The following PRDM16 variants were observed in gnomAD, a reference collection of about 807,000 sequenced individuals.
The protein encoded by PRDM16 is histone-lysine N-methyltransferase PRDM16.
A neutral mutation model predicts 110.6 loss-of-function variants in PRDM16; 23 were observed. The observed-to-expected ratio is 0.21, with a 90% CI of 0.15 to 0.29. The LOEUF (loss-of-function observed/expected upper bound fraction) is 0.29, where lower values mean the gene tolerates loss of function less well. Ranked by LOEUF, PRDM16 falls within the 10% of genes least tolerant of loss-of-function variation. The pLI, the probability that PRDM16 is intolerant of heterozygous loss-of-function variation, is 1.00. For missense variants in PRDM16, 1,615 were observed against 1,794.3 expected, an observed-to-expected ratio of 0.90 and a Z score of 1.81; for synonymous variants, 799 against 781.8, an observed-to-expected ratio of 1.02 and a Z score of -0.37.
chr1:3,401,069 G>A (rs1476521523), intron 5 of PRDM16, among the ~76,000 whole-genome samples: 2 of 152,182 alleles, frequency 1.3e-5, no homozygotes, highest in South Asian at 4.1e-4. Flanking sequence ...GGCTCAGGGA[G>A]CCAGGCTCTG....
intron 2 of PRDM16, among the ~76,000 whole-genome samples, chr1:3,240,046 AGGAGAGGAGAAGAGGAGAGGAGAGG>A (rs1639627687): frequency 1.0e-5 from 1 of 98,592 alleles, no homozygotes; most frequent in African/African-American, 5.0e-5. Context: ...AGAAGAGGAG[AGGAGAGGAGAAGAGGAGAGGAGAGG>A]AGAGGAGAGG....
At chr1:3,174,593 G>A (rs1427732276) in intron 1 of PRDM16, among the ~76,000 whole-genome samples, 3 of 152,152 alleles carry the variant, frequency 2.0e-5, no homozygotes, top group South Asian at 2.1e-4. Context: ...GCCTCCCTCC[G>A]TGTCTGCGAC....
chr1:3,236,404 A>T (rs2455109), intron 2 of PRDM16, among the ~76,000 whole-genome samples: 50,666 of 152,016 alleles, frequency 0.33, 12,488 homozygotes, highest in African/African-American at 0.68. Context: ...GACCACAAAT[A>T]TGCTAATGGC....
rs1642238045 is a variant in PRDM16, at chr1:3,339,926, A to G, written c.439-45226A>G. 6.6e-6 allele frequency among the ~76,000 whole-genome samples: 1 copy of G among 152,192 alleles called. No individual in the cohort carries two copies. The highest frequency in any genetic ancestry group is 1.9e-4 in the East Asian group (1 of 5,190). On this transcript the variant is annotated intron_variant, in intron 3 of 16. Coordinates refer to ENST00000270722, the MANE Select transcript of PRDM16 (RefSeq NM_022114.4). The surrounding 1 kb of genome is among the most constrained non-coding windows in gnomAD (Gnocchi z 5.0). ...AGCAGCTGAGGTTGGAAGGGCCACC[A>G]GGCAAGTGGGGCTGGGGGGAACAGG...
chr1:3,397,562 C>T (rs1022986602), intron 5 of PRDM16, among the ~76,000 whole-genome samples: 2 of 152,256 alleles, frequency 1.3e-5, no homozygotes, highest in Non-Finnish European at 2.9e-5. Flanking sequence ...TCCCTCTGAG[C>T]AGACGGCTCC....
chr1:3,158,668 T>G (rs908193320), intron 1 of PRDM16, among the ~76,000 whole-genome samples: 2 of 147,498 alleles, frequency 1.4e-5, no homozygotes, highest in African/African-American at 2.4e-5. Flanking sequence ...CTTTTTTCTC[T>G]CTTTCTTTCT....
At chr1:3,340,813 G>A (rs1018284458) in intron 3 of PRDM16, among the ~76,000 whole-genome samples, 6 of 152,212 alleles carry the variant, frequency 3.9e-5, no homozygotes, top group African/African-American at 1.4e-4. Flanking sequence ...AGGGTGTGGG[G>A]CAGAAGTCAT....
chr1:3,097,578 A>G (rs914114141), intron 1 of PRDM16, among the ~76,000 whole-genome samples: 3 of 152,192 alleles, frequency 2.0e-5, no homozygotes, highest in African/African-American at 7.2e-5. Context: ...TCGCACCTCC[A>G]AAAGCTCAGC....
At chr1:3,287,697 C>T (rs1480596684) in intron 3 of PRDM16, among the ~76,000 whole-genome samples, 1 of 122,430 alleles carries the variant, frequency 8.2e-6, no homozygotes, top group African/African-American at 4.3e-5. Context: ...GGGCTGGAAC[C>T]GCCCCGCCAC....
At chr1:3,212,021 A>C (rs1021601175) in intron 2 of PRDM16, among the ~76,000 whole-genome samples, 1 of 152,152 alleles carries the variant, frequency 6.6e-6, no homozygotes, top group African/African-American at 2.4e-5. Context: ...GGGTGGATTA[A>C]TCCTCGCGTC....
rs1557551494 is a variant in PRDM16 at position 3,240,798 on chromosome 1, ATTTAT to A, written c.388-3284_388-3280del. On this transcript the variant is annotated intron_variant, in intron 2 of 16. Transcript: ENST00000270722. Reference sequence around the variant, plus strand: ...GCTGACTTTTTGGAGAACAGAGGGTATTTATTTTAAGAGTCAAAAAAGAGGTTCTG... The same window carrying A: ...GCTGACTTTTTGGAGAACAGAGGGTATTTAAGAGTCAAAAAAGAGGTTCTG... Among the ~76,000 whole-genome samples the A allele has an allele frequency of 2.0e-5, 3 of 152,208 alleles. 1 individual carries two copies. In the South Asian group the frequency reaches 6.2e-4, roughly 31 times the overall value.
intron 3 of PRDM16, among the ~76,000 whole-genome samples, chr1:3,366,394 T>C (rs1290117081): frequency 2.0e-5 from 3 of 152,206 alleles, no homozygotes; most frequent in Non-Finnish European, 4.4e-5. Flanking sequence ...TCCCCTGCCC[T>C]GGGCCCTCCA....
chr1:3,247,451 C>A (rs1639812949), intron 3 of PRDM16, among the ~76,000 whole-genome samples: 1 of 152,216 alleles, frequency 6.6e-6, no homozygotes, highest in Admixed American at 6.5e-5. Flanking sequence ...GGGATTCGAA[C>A]TCAGGACTGT....
At position 3,354,356 on chromosome 1, in the gene PRDM16, A is replaced by G. The variant is rs1450411880; in HGVS notation, c.439-30796A>G. ...GTGTCTGTAATCTCAGCTACTCAGG[A>G]GGCTGAGGCAGGAGAATCGCTTGAA... is the stretch of plus-strand genomic sequence containing the variant. On this transcript the variant is annotated intron_variant, in intron 3 of 16. Coordinates refer to ENST00000270722, the MANE Select transcript of PRDM16 (RefSeq NM_022114.4). Among the ~76,000 whole-genome samples the G allele has an allele frequency of 2.0e-5, 3 of 150,422 alleles. No individual in the cohort carries two copies. The East Asian group carries it at 5.9e-4, about 30-fold the overall frequency.
intron 2 of PRDM16, among the ~76,000 whole-genome samples, chr1:3,186,799 G>T (rs893548635): frequency 6.6e-6 from 1 of 152,226 alleles, no homozygotes; most frequent in Non-Finnish European, 1.5e-5. Flanking sequence ...GCAGGGCAGG[G>T]AGATTAATAG....
chr1:3,347,956 C>T (rs1350798167), intron 3 of PRDM16, among the ~76,000 whole-genome samples: 3 of 152,072 alleles, frequency 2.0e-5, no homozygotes, highest in African/African-American at 7.2e-5. Context: ...GTGCCGGGCA[C>T]TGAGTTCCGT....
At chr1:3,311,269 G>C (rs2282196) in intron 3 of PRDM16, among the ~76,000 whole-genome samples, 4,041 of 152,336 alleles carry the variant, frequency 0.027, 299 homozygotes, top group East Asian at 0.25. Context: ...TGTTGTTCCC[G>C]GTGGGCCTCG....
chr1:3,390,986 C>A lies in PRDM16; in HGVS notation c.574-5505C>A, dbSNP rs977776533. Among the ~76,000 whole-genome samples, 10 of 152,082 alleles carry A rather than the reference C, an allele frequency of 6.6e-5. No individual in the cohort carries two copies. Among genetic ancestry groups the A allele is most frequent in the African/African-American group, 2.4e-4 (10 of 41,410 alleles). ...AAGTAGCTGGGATTACAGGGGCCTG[C>A]CACTATGCCTGGCTTATTTTGTATT... On this transcript the variant is annotated intron_variant, in intron 4 of 16. Transcript: ENST00000270722. The surrounding 1 kb of genome is among the most constrained non-coding windows in gnomAD (Gnocchi z 5.0).
intron 8 of PRDM16, among the ~76,000 whole-genome samples, chr1:3,409,460 G>T (rs1014932868): frequency 1.3e-5 from 2 of 152,174 alleles, no homozygotes; most frequent in African/African-American, 4.8e-5. Context: ...GGAAGGTAGA[G>T]CGGTTAATAT....
Sources: allele counts gnomAD v4.1 joint callset (sites outside exome capture counted in the v4.1 genomes callset), GRCh38; gene constraint gnomAD v4.1.1; non-coding constraint Gnocchi (gnomAD v3.1); transcripts MANE v1.5; gene names NCBI Gene and HGNC (gene_info 2026-07-23, HGNC 2026-07-21).